ARFGEF1: variants seen among roughly 807,000 people sequenced by gnomAD.
ARFGEF1 encodes the protein brefeldin A-inhibited guanine nucleotide-exchange protein 1.
ARFGEF1 carries 42 observed loss-of-function variants against 231.0 expected under a neutral mutation model. That is an observed-to-expected ratio of 0.18 (90% CI 0.14 to 0.24). The LOEUF (loss-of-function observed/expected upper bound fraction) is 0.24. Among genes scored for constraint, ARFGEF1 ranks in the 10% least tolerant of loss-of-function variants. The pLI, the probability that ARFGEF1 is intolerant of heterozygous loss-of-function variation, is 1.00. For missense variants in ARFGEF1, 1,345 were observed against 2,192.0 expected, an observed-to-expected ratio of 0.61 and a Z score of 7.72; for synonymous variants, 710 against 732.3, an observed-to-expected ratio of 0.97 and a Z score of 0.49.
chr8:67,244,247 A>G (rs1840026070), intron 19 of ARFGEF1, among the ~76,000 whole-genome samples: 1 of 18,134 alleles, frequency 5.5e-5, no homozygotes, highest in Admixed American at 6.8e-4. Flanking sequence ...CACCTCAAAA[A>G]AAAAAAAAAA....
At chr8:67,190,955 A>G (rs1836053746) in intron 5 of ARFGEF1, among the ~76,000 whole-genome samples, 2 of 152,136 alleles carry the variant, frequency 1.3e-5, no homozygotes, top group African/African-American at 4.8e-5. Flanking sequence ...TCCAGATAAT[A>G]ATAGTATTTT....
chr8:67,230,796 A>C (rs1458784235), intron 23 of ARFGEF1, among the ~76,000 whole-genome samples: 1 of 152,102 alleles, frequency 6.6e-6, no homozygotes, highest in East Asian at 1.9e-4. Context: ...AACACATAAA[A>C]AATTCTATCC....
At chr8:67,333,880 G>A (rs188009614) in intron 1 of ARFGEF1, among the ~76,000 whole-genome samples, 152 of 152,244 alleles carry the variant, frequency 1.0e-3, no homozygotes, top group Middle Eastern at 6.8e-3. Flanking sequence ...GCTCATGCCT[G>A]TAATCCCAGC....
intron 7 of ARFGEF1, among the ~76,000 whole-genome samples, chr8:67,282,365 C>T (rs1296580852): frequency 4.0e-5 from 6 of 151,728 alleles, no homozygotes. Context: ...TCACACCACA[C>T]AGAAAAATAA....
In ARFGEF1 at chr8:67,301,270, T is replaced by G. The variant is rs1461198864; in HGVS notation, c.266A>C (p.Gln89Pro). ...ACTAACTATGCGAGGACATTTGGAC[T>G]GGCATGCCAACTCAAAAGGCAAGAA... Reference protein sequence around the residue: ...KYFLPFELACQSKCPRIVSTS... With the variant: ...KYFLPFELACPSKCPRIVSTS... The change falls in exon 3 of 39, where the codon CAG becomes CCG. Residue 89 changes from glutamine (Q) to proline (P), a missense_variant. Gln to Pro is a moderately conservative substitution (Grantham distance 76, BLOSUM62 -1). Around this residue, in one of 14 missense-constraint regions of ARFGEF1, gnomAD observed 398 missense variants for 463.2 expected, o/e 0.86. Coordinates refer to ENST00000262215, the MANE Select transcript of ARFGEF1 (RefSeq NM_006421.5). The G allele has an allele frequency of 6.2e-6, 10 of 1,613,944 alleles. No homozygotes were observed. The highest frequency in any genetic ancestry group is 8.5e-6 in the Non-Finnish European group (10 of 1,180,012).
chr8:67,219,606 T>C (rs761649495), intron 29 of ARFGEF1, 46 bp from the exon 30 acceptor site: 3 of 1,536,410 alleles, frequency 2.0e-6, no homozygotes, highest in Non-Finnish European at 2.6e-6. Flanking sequence ...CAAAAAAGCA[T>C]ACTTCTCCTA....
downstream of ARFGEF1, chr8:67,195,630 G>GTGAA: frequency 6.4e-7 from 1 of 1,571,280 alleles, no homozygotes; most frequent in East Asian, 2.3e-5. Context: ...GCCTTTTAAG[G>GTGAA]TGAAAGGAAT....
intron 1 of ARFGEF1, among the ~76,000 whole-genome samples, chr8:67,327,319 CTTTT>C (rs140446436): frequency 7.5e-6 from 1 of 134,042 alleles, no homozygotes; most frequent in Non-Finnish European, 1.6e-5. Context: ...TGACGTACGT[CTTTT>C]TTTTTTTTTT....
At position 67,276,045 on chromosome 8, in the gene ARFGEF1, G is replaced by T. The variant is rs769097390; in HGVS notation, c.1268C>A (p.Ala423Asp). The T allele has an allele frequency of 6.2e-7, 1 of 1,613,426 alleles. No individual in the cohort carries two copies. Among genetic ancestry groups the T allele is most frequent in the South Asian group, 1.1e-5 (1 of 91,068 alleles). The change falls in exon 9 of 39, where the codon GCC (alanine) becomes GAC (aspartate). Residue 423 changes from alanine to aspartate, a missense_variant. Around this residue, in one of 14 missense-constraint regions of ARFGEF1, gnomAD observed 141 missense variants for 259.9 expected, o/e 0.54. Coordinates refer to ENST00000262215, the MANE Select transcript of ARFGEF1 (RefSeq NM_006421.5). ...ACACAATGACCTGAATACTAGAAAG[G>T]CATCCTTTTGTAAAATGTGGGAAAA... is the stretch of plus-strand genomic sequence containing the variant. ...AKFSHILQKD[A>D]FLVFRSLCKL...
In ARFGEF1 at chr8:67,238,509, G is replaced by GA. The variant is rs1360195728; in HGVS notation, c.3139-17dup. The GA allele has an allele frequency of 6.3e-7, 1 of 1,579,480 alleles. No homozygotes were observed. ...ACTTCAGAATCTTAATTACAAAAAG[G>GA]AAAAAAATGTTAAATTCCATGTTAA... is the stretch of plus-strand genomic sequence containing the variant. On this transcript the variant is annotated splice_polypyrimidine_tract_variant and intron_variant, in intron 21 of 38. Transcript: ENST00000262215.
chr8:67,313,211 G>A (rs902655878), intron 1 of ARFGEF1, among the ~76,000 whole-genome samples: 1 of 152,142 alleles, frequency 6.6e-6, no homozygotes, highest in African/African-American at 2.4e-5. Context: ...GGATTTCCTT[G>A]CATTGGGCTT....
chr8:67,336,327 A>G (rs572192769), intron 1 of ARFGEF1, among the ~76,000 whole-genome samples: 1 of 152,262 alleles, frequency 6.6e-6, no homozygotes, highest in Non-Finnish European at 1.5e-5. Flanking sequence ...ACATATGTAC[A>G]GTAGACTCTG....
intron 34 of ARFGEF1, 86 bp downstream of exon 34, chr8:67,211,397 C>T (rs2129577822): frequency 2.5e-6 from 2 of 790,216 alleles, no homozygotes; most frequent in Non-Finnish European, 1.8e-6. Context: ...ATAGTATATG[C>T]TTGTTAATAA....
intron 1 of ARFGEF1, among the ~76,000 whole-genome samples, chr8:67,329,638 T>C (rs1808010145): frequency 1.3e-5 from 2 of 151,340 alleles, no homozygotes; most frequent in Non-Finnish European, 2.9e-5. Context: ...GAACATTTAA[T>C]TTCCAAACTC....
At chr8:67,225,374 C>T (rs918248593) in intron 28 of ARFGEF1, among the ~76,000 whole-genome samples, 1 of 152,174 alleles carries the variant, frequency 6.6e-6, no homozygotes, top group African/African-American at 2.4e-5. Context: ...ATTAACCACA[C>T]TGGTGAAGTA....
chr8:67,271,105 A>G (rs535023659), intron 10 of ARFGEF1, among the ~76,000 whole-genome samples: 9 of 151,784 alleles, frequency 5.9e-5, no homozygotes, highest in African/African-American at 1.9e-4. Flanking sequence ...ACACGATTGA[A>G]AACATCCCTA....
intron 17 of ARFGEF1, among the ~76,000 whole-genome samples, chr8:67,256,554 C>G (rs966089017): frequency 6.6e-6 from 1 of 152,082 alleles, no homozygotes; most frequent in African/African-American, 2.4e-5. Context: ...TCCAATACAT[C>G]TCAGATTAGA....
chr8:67,267,929 T>C (rs1804915969), intron 10 of ARFGEF1, among the ~76,000 whole-genome samples: 1 of 152,218 alleles, frequency 6.6e-6, no homozygotes, highest in Non-Finnish European at 1.5e-5. Flanking sequence ...TTTATTTTTC[T>C]AATTACTCAC....
In ARFGEF1 at chr8:67,267,453, G is replaced by A. The variant is rs200573816; in HGVS notation, c.1573-11C>T. ...TTCTTTAAAGAACACCTGTGATTAG[G>A]AGAAAACTTCTGTTTAAAATATTGT... On this transcript the variant is annotated splice_polypyrimidine_tract_variant and intron_variant, in intron 10 of 38. Transcript: ENST00000262215. 5.3e-6 allele frequency: 8 copies of A among 1,500,850 alleles called. No homozygotes were observed. In the African/African-American group the frequency reaches 9.7e-5, roughly 18 times the overall value. The allele number at this position is 1,500,850 out of a possible 1,614,324, so 93.0% of individuals were successfully genotyped here. A position where few individuals can be genotyped will look rare whatever the true frequency, so the allele number is the denominator to read the frequency against.
Sources: allele counts gnomAD v4.1 joint callset (sites outside exome capture counted in the v4.1 genomes callset), GRCh38; gene constraint gnomAD v4.1.1; regional missense constraint gnomAD v4.1.1; transcripts MANE v1.5; gene names NCBI Gene and HGNC (gene_info 2026-07-23, HGNC 2026-07-21).